RSPH14: variants seen among roughly 807,000 people sequenced by gnomAD.
The protein encoded by RSPH14 is radial spoke head 14 homolog, also known as rhabdoid tumor deletion region gene 1.
RSPH14 carries 20 observed loss-of-function variants against 26.7 expected under a neutral mutation model. That is an observed-to-expected ratio of 0.75 (90% CI 0.53 to 1.09). RSPH14 has a LOEUF of 1.09. RSPH14 is among the 50% of genes least tolerant of loss of function. The pLI is 0.00. For missense variants in RSPH14, 449 were observed against 457.2 expected, an observed-to-expected ratio of 0.98 and a Z score of 0.16; for synonymous variants, 177 against 189.3, an observed-to-expected ratio of 0.93 and a Z score of 0.53.
the RSPH14 span, among the ~76,000 whole-genome samples, chr22:23,150,695 A>G: frequency 2.0e-5 from 3 of 152,220 alleles, no homozygotes; most frequent in South Asian, 4.1e-4. Flanking sequence ...TTTCAGCCTC[A>G]GGTCTTGGTA....
upstream of RSPH14, chr22:23,145,209 C>A: frequency 1.4e-6 from 1 of 714,256 alleles, no homozygotes; most frequent in Middle Eastern, 4.0e-4. Flanking sequence ...TCAGCCCCAC[C>A]CAGGGCTCAG....
chr22:23,096,061 C>G (rs145202716), intron 4 of RSPH14: 9 of 1,607,770 alleles, frequency 5.6e-6, no homozygotes, highest in Non-Finnish European at 7.6e-6. Flanking sequence ...AGATCACACC[C>G]GAGCTGCTGG....
chr22:23,174,333 G>A, the RSPH14 span, among the ~76,000 whole-genome samples: 6 of 151,926 alleles, frequency 3.9e-5, no homozygotes, highest in African/African-American at 9.7e-5. Context: ...AAGCCCAGGC[G>A]TCTAAGGCTG....
chr22:23,161,707 A>AC, the RSPH14 span: 1 of 705,646 alleles, frequency 1.4e-6, no homozygotes, highest in South Asian at 1.9e-5. Flanking sequence ...CCACCCACCC[A>AC]CCGGGCTCAG....
chr22:23,150,269 A>G, the RSPH14 span: 10 of 771,600 alleles, frequency 1.3e-5, no homozygotes, highest in East Asian at 1.9e-4. Context: ...AGCCCTGTAC[A>G]GGCCTGAAGA....
chr22:23,088,027 A>G (rs982282172), intron 4 of RSPH14, among the ~76,000 whole-genome samples: 5 of 152,228 alleles, frequency 3.3e-5, no homozygotes, highest in African/African-American at 9.6e-5. Flanking sequence ...TGTTTAAACT[A>G]TAAACTAAGT....
At chr22:23,140,908 G>C (rs2070587768) in intron 1 of RSPH14, among the ~76,000 whole-genome samples, 2 of 152,192 alleles carry the variant, frequency 1.3e-5, no homozygotes, top group African/African-American at 4.8e-5. Context: ...TCTGGCCAAG[G>C]AGCTTACTGG....
At chr22:23,060,931 G>A (rs779788518) in intron 6 of RSPH14, among the ~76,000 whole-genome samples, 8 of 152,190 alleles carry the variant, frequency 5.3e-5, no homozygotes, top group Admixed American at 1.3e-4. Context: ...AGCCTGGACC[G>A]AGAAGGACAC....
intron 4 of RSPH14, among the ~76,000 whole-genome samples, chr22:23,111,013 G>A (rs564464467): frequency 6.6e-6 from 1 of 152,322 alleles, no homozygotes; most frequent in South Asian, 2.1e-4. Flanking sequence ...CTGCCTCAGA[G>A]CCACTTCGAA....
the RSPH14 span, chr22:23,150,261 C>A: frequency 1.1e-6 from 1 of 896,838 alleles, no homozygotes; most frequent in Non-Finnish European, 1.8e-6. Flanking sequence ...GCTGGTGCAG[C>A]CCTGTACAGG....
At chr22:23,154,751 T>C in the RSPH14 span, among the ~76,000 whole-genome samples, 1 of 152,184 alleles carries the variant, frequency 6.6e-6, no homozygotes, top group Admixed American at 6.5e-5. Context: ...CCCCAGAGTC[T>C]TCAGAAATGA....
chr22:23,102,762 C>T (rs2069342968), intron 4 of RSPH14, among the ~76,000 whole-genome samples: 1 of 152,264 alleles, frequency 6.6e-6, no homozygotes, highest in Non-Finnish European at 1.5e-5. Context: ...CAAGCTGTCA[C>T]TGAACACAGC....
chr22:23,115,400 G>T (rs1256215817), intron 4 of RSPH14, among the ~76,000 whole-genome samples: 7 of 152,190 alleles, frequency 4.6e-5, no homozygotes, highest in Admixed American at 3.3e-4. Context: ...ACCATCTCTG[G>T]GGTGTGTGCA....
At chr22:23,092,423 A>G (rs1293485027) in intron 4 of RSPH14, among the ~76,000 whole-genome samples, 1 of 152,054 alleles carries the variant, frequency 6.6e-6, no homozygotes, top group African/African-American at 2.4e-5. Flanking sequence ...ACAGAGCCGC[A>G]GGGAGAATTC....
chr22:23,175,009 T>C, the RSPH14 span, among the ~76,000 whole-genome samples: 1 of 151,814 alleles, frequency 6.6e-6, no homozygotes, highest in Non-Finnish European at 1.5e-5. Flanking sequence ...AATTTTTTTT[T>C]TTTTTCAGAC....
intron 4 of RSPH14, among the ~76,000 whole-genome samples, chr22:23,073,803 G>A (rs1297077676): frequency 6.6e-6 from 1 of 152,210 alleles, no homozygotes; most frequent in Admixed American, 6.5e-5. Flanking sequence ...GCCAGGTGCA[G>A]GGGTACAGCA....
intron 4 of RSPH14, among the ~76,000 whole-genome samples, chr22:23,102,712 G>A (rs1259002807): frequency 6.6e-6 from 1 of 152,230 alleles, no homozygotes; most frequent in Admixed American, 6.5e-5. Flanking sequence ...CTCCATGATG[G>A]TCACCTCCTG....
At chr22:23,078,841 A>G (rs905752207) in intron 4 of RSPH14, among the ~76,000 whole-genome samples, 11 of 152,190 alleles carry the variant, frequency 7.2e-5, no homozygotes, top group African/African-American at 2.7e-4. Flanking sequence ...AGATGAGGGG[A>G]CATCCTGGCT....
chr22:23,119,490 G>A (rs1569186163), intron 4 of RSPH14, among the ~76,000 whole-genome samples: 1 of 152,334 alleles, frequency 6.6e-6, no homozygotes, highest in African/African-American at 2.4e-5. Flanking sequence ...ACAAACCCAC[G>A]ATGCAGCTCC....
Sources: allele counts gnomAD v4.1 joint callset (sites outside exome capture counted in the v4.1 genomes callset), GRCh38; gene constraint gnomAD v4.1.1; transcripts MANE v1.5; gene names NCBI Gene and HGNC (gene_info 2026-07-23, HGNC 2026-07-21).